The following SBF2 variants were observed in gnomAD, a reference collection of about 807,000 sequenced individuals.
The protein encoded by SBF2 is SET binding factor 2, also known as myotubularin-related protein 13.
In SBF2, 112 loss-of-function variants were observed where a neutral mutation model predicts 225.2. That is an observed-to-expected ratio of 0.50 (90% CI 0.43 to 0.58). The LOEUF (loss-of-function observed/expected upper bound fraction) is 0.58. SBF2 is among the 20% of genes least tolerant of loss of function. SBF2 has a pLI of 0.00. For missense variants in SBF2, 1,996 were observed against 2,206.2 expected (o/e 0.90, Z 1.91); for synonymous variants, 763 against 773.3 (o/e 0.99, Z 0.22).
intron 16 of SBF2, among the ~76,000 whole-genome samples, chr11:9,935,612 T>C (rs11042555): frequency 0.18 from 27,287 of 152,120 alleles, 2,661 homozygotes; most frequent in East Asian, 0.38. Context: ...AACAGATATA[T>C]AGACCAATGG....
chr11:9,981,332 A>C (rs566366245), intron 13 of SBF2, among the ~76,000 whole-genome samples: 1 of 152,244 alleles, frequency 6.6e-6, no homozygotes, highest in East Asian at 1.9e-4. Context: ...GAAAGGGGTG[A>C]AAAGTGACTA....
chr11:9,913,877 G>A (rs190941166), intron 16 of SBF2, among the ~76,000 whole-genome samples: 1 of 152,134 alleles, frequency 6.6e-6, no homozygotes, highest in Admixed American at 6.5e-5. Context: ...TGTTGCTGTT[G>A]TTTAAGTAGA....
chr11:10,004,729 C>T (rs921097633), intron 6 of SBF2, among the ~76,000 whole-genome samples: 8 of 152,144 alleles, frequency 5.3e-5, no homozygotes, highest in Non-Finnish European at 1.5e-5. Flanking sequence ...TTCCTCTGCC[C>T]TATTGTTTCA....
At chr11:9,810,400 C>T (rs1564874371) in intron 30 of SBF2, 1 of 152,098 alleles carries the variant, frequency 6.6e-6, no homozygotes, top group African/African-American at 2.4e-5. Context: ...CCTTAATAAA[C>T]AATTAAGGTA....
chr11:10,227,124 T>A (rs1172068692), intron 1 of SBF2, among the ~76,000 whole-genome samples: 2 of 152,190 alleles, frequency 1.3e-5, no homozygotes, highest in Non-Finnish European at 2.9e-5. Flanking sequence ...AAATGTCTTC[T>A]TTTGAGAAGT....
intron 2 of SBF2, among the ~76,000 whole-genome samples, chr11:10,192,761 C>G (rs1189382789): frequency 6.6e-6 from 1 of 152,170 alleles, no homozygotes; most frequent in Non-Finnish European, 1.5e-5. Context: ...AGAGCCTGCA[C>G]TCTTAAGTAT....
At chr11:10,129,128 GAC>G (rs1174165203) in intron 2 of SBF2, among the ~76,000 whole-genome samples, 7 of 91,766 alleles carry the variant, frequency 7.6e-5, no homozygotes, top group African/African-American at 2.8e-4. Flanking sequence ...TTTTTTTTGA[GAC>G]ACAGTCTCGC....
chr11:10,233,328 A>T (rs1264733150), intron 1 of SBF2, among the ~76,000 whole-genome samples: 2 of 152,108 alleles, frequency 1.3e-5, no homozygotes, highest in Admixed American at 1.3e-4. Flanking sequence ...ATCATCATCA[A>T]AACTGAATAG....
At chr11:9,951,397 G>T (rs548810249) in intron 16 of SBF2, among the ~76,000 whole-genome samples, 1 of 152,288 alleles carries the variant, frequency 6.6e-6, no homozygotes, top group East Asian at 1.9e-4. Flanking sequence ...TGGAGGTAGG[G>T]TAACCAGTTA....
intron 2 of SBF2, among the ~76,000 whole-genome samples, chr11:10,175,708 C>CAT (rs1429974567): frequency 6.6e-6 from 1 of 151,614 alleles, no homozygotes; most frequent in Admixed American, 6.6e-5. Context: ...ACAGAATAGA[C>CAT]ATTTTTTTCA....
chr11:10,218,311 G>A (rs1958205897), intron 1 of SBF2, among the ~76,000 whole-genome samples: 1 of 97,282 alleles, frequency 1.0e-5, no homozygotes, highest in Non-Finnish European at 2.1e-5. Flanking sequence ...AATAGCACAG[G>A]AAAGACCCAC....
At chr11:9,852,637 A>C (rs779060716) in intron 21 of SBF2, 39 bp downstream of exon 21, 1 of 1,467,000 alleles carries the variant, frequency 6.8e-7, no homozygotes, top group Admixed American at 1.7e-5. Flanking sequence ...GTTTTTAAGA[A>C]GAGAGGCTAT....
At chr11:10,074,332 C>T (rs1182982198) in intron 2 of SBF2, among the ~76,000 whole-genome samples, 2 of 151,992 alleles carry the variant, frequency 1.3e-5, no homozygotes, top group East Asian at 1.9e-4. Flanking sequence ...ATAATAAATA[C>T]CAAAAACATA....
chr11:10,125,693 A>T (rs924212200), intron 2 of SBF2, among the ~76,000 whole-genome samples: 2 of 152,226 alleles, frequency 1.3e-5, no homozygotes, highest in African/African-American at 4.8e-5. Context: ...ACTATCAACT[A>T]AGCTACAGAC....
chr11:10,258,505 G>C (rs774152720), intron 1 of SBF2, among the ~76,000 whole-genome samples: 3 of 152,120 alleles, frequency 2.0e-5, no homozygotes, highest in Non-Finnish European at 4.4e-5. Flanking sequence ...CTCATGTTTT[G>C]TGGAATGCAC....
chr11:9,845,879 A>T, intron 23 of SBF2, 139 bp from the exon 24 acceptor site: 1 of 731,930 alleles, frequency 1.4e-6, no homozygotes, highest in Non-Finnish European at 2.3e-6. Context: ...TACAATTTTT[A>T]AATTTTTAAA....
At chr11:10,162,184 C>CT (rs144690654) in intron 2 of SBF2, among the ~76,000 whole-genome samples, 489 of 138,884 alleles carry the variant, frequency 3.5e-3, no homozygotes, top group African/African-American at 7.1e-3. Context: ...CCTACCTTGT[C>CT]TTTTTTTTTT....
chr11:9,911,288 A>G (rs1862593625), intron 16 of SBF2, among the ~76,000 whole-genome samples: 1 of 151,556 alleles, frequency 6.6e-6, no homozygotes, highest in Admixed American at 6.6e-5. Flanking sequence ...AATTACTTGA[A>G]CCTGGGAGGT....
intron 1 of SBF2, among the ~76,000 whole-genome samples, chr11:10,304,432 C>T (rs1964629363): frequency 6.6e-6 from 1 of 152,242 alleles, no homozygotes; most frequent in African/African-American, 2.4e-5. Context: ...TAATTCCCCC[C>T]TCCAAATCCC....
Sources: allele counts gnomAD v4.1 joint callset (sites outside exome capture counted in the v4.1 genomes callset), GRCh38; gene constraint gnomAD v4.1.1; transcripts MANE v1.5; gene names NCBI Gene and HGNC (gene_info 2026-07-23, HGNC 2026-07-21).